Variants in NVL observed in about 807,000 individuals in gnomAD.
The protein encoded by NVL is nuclear valosin-containing protein-like.
A neutral mutation model predicts 110.2 loss-of-function variants in NVL; 84 were observed. That is an observed-to-expected ratio of 0.76 (90% CI 0.64 to 0.91). NVL has a LOEUF of 0.91. Among genes scored for constraint, NVL ranks in the 40% least tolerant of loss-of-function variants. The probability of loss-of-function intolerance (pLI) is 0.00; values close to 1 mark genes in which losing one functional copy is unlikely to be tolerated. For missense variants in NVL, 882 were observed against 1,035.9 expected, an observed-to-expected ratio of 0.85 and a Z score of 2.04; for synonymous variants, 354 against 361.1, an observed-to-expected ratio of 0.98 and a Z score of 0.22.
Position 224,285,211 on chromosome 1 carries a change from C to CG in NVL, c.1899+814dup, listed in dbSNP as rs200337439. On this transcript the variant is annotated intron_variant, in intron 15 of 22. Coordinates refer to ENST00000281701, the MANE Select transcript of NVL (RefSeq NM_002533.4). ...CAGCACTTTGGGAGGCCGAGATGGGCGGATCATGAGGTCAGGAGTTCGAGA... is the reference window on the plus strand; with the variant it reads ...CAGCACTTTGGGAGGCCGAGATGGGCGGGATCATGAGGTCAGGAGTTCGAGA... Among the ~76,000 whole-genome samples, 1,315 of 152,074 alleles carry CG rather than the reference C, an allele frequency of 8.6e-3. 16 individuals carry two copies. Among genetic ancestry groups the CG allele is most frequent in the Middle Eastern group, 0.075 (22 of 294 alleles).
intron 22 of NVL, 62 bp downstream of exon 22, chr1:224,231,164 G>A (rs1659838093): frequency 9.0e-7 from 1 of 1,111,890 alleles, no homozygotes; most frequent in South Asian, 1.3e-5. Context: ...AATTCATGAG[G>A]TCATATCTAC....
At position 224,308,223 on chromosome 1, in the gene NVL, C is replaced by T. The variant is rs149707008; in HGVS notation, c.383G>A (p.Arg128Gln). ...TGAAACAGAATCAGGATTTCCTTTC[C>T]GATATAAAGACAGCAGGGAACTGTT... is the stretch of plus-strand genomic sequence containing the variant. ...HMNSSLLSLY[R>Q]KGNPDSVSNT... The change falls in exon 6 of 23, where the codon CGG becomes CAG. Residue 128 changes from arginine (R) to glutamine (Q), a missense_variant. Around this residue, in one of 4 missense-constraint regions of NVL, gnomAD observed 274 missense variants for 268.4 expected, o/e 1.02. Coordinates refer to ENST00000281701, the MANE Select transcript of NVL (RefSeq NM_002533.4). 68 of 1,612,088 alleles carry T rather than the reference C, an allele frequency of 4.2e-5. 1 individual carries two copies. The Admixed American group carries it at 4.9e-4, about 12-fold the overall frequency.
chr1:224,290,687 A>G (rs1667285291), intron 12 of NVL, among the ~76,000 whole-genome samples: 1 of 152,014 alleles, frequency 6.6e-6, no homozygotes, highest in Admixed American at 6.6e-5. Context: ...CTGTAGTCCC[A>G]GCTACTCGGG....
At chr1:224,311,363 AT>A (rs1183980223) in intron 5 of NVL, among the ~76,000 whole-genome samples, 22 of 138,156 alleles carry the variant, frequency 1.6e-4, no homozygotes, top group African/African-American at 1.3e-4. Context: ...AGCTAGCCTT[AT>A]TTTTTTTTTT....
intron 2 of NVL, among the ~76,000 whole-genome samples, chr1:224,321,900 T>C (rs1055501261): frequency 2.0e-5 from 3 of 152,204 alleles, no homozygotes; most frequent in South Asian, 2.1e-4. Context: ...TGGTGACTTA[T>C]TATAGACATG....
At chr1:224,272,546 C>T (rs1360495173) in intron 17 of NVL, among the ~76,000 whole-genome samples, 2 of 150,946 alleles carry the variant, frequency 1.3e-5, no homozygotes, top group South Asian at 2.1e-4. Context: ...GGTAAAACCC[C>T]GTCTCTACTA....
chr1:224,267,686 CAAAAAAAAAAAA>C (rs532968583), intron 18 of NVL, among the ~76,000 whole-genome samples: 1 of 51,536 alleles, frequency 1.9e-5, no homozygotes, highest in African/African-American at 7.3e-5. Context: ...GATTCTGTCT[CAAAAAAAAAAAA>C]AAAAAAAAGT....
At chr1:224,240,078 T>C (rs1661005239) in intron 19 of NVL, among the ~76,000 whole-genome samples, 1 of 145,266 alleles carries the variant, frequency 6.9e-6, no homozygotes, top group Non-Finnish European at 1.5e-5. Flanking sequence ...TTTTTTTTTT[T>C]TTTTTGAGAC....
At chr1:224,292,081 C>A (rs1667431630) in intron 12 of NVL, among the ~76,000 whole-genome samples, 1 of 152,140 alleles carries the variant, frequency 6.6e-6, no homozygotes, top group African/African-American at 2.4e-5. Context: ...GTCTGTTTTA[C>A]ACCAATAGAA....
intron 6 of NVL, among the ~76,000 whole-genome samples, chr1:224,307,235 C>T (rs1205010285): frequency 6.6e-6 from 1 of 152,046 alleles, no homozygotes; most frequent in African/African-American, 2.4e-5. Flanking sequence ...TGGGAAACAC[C>T]TGATTTGTAC....
chr1:224,315,323 G>T (rs994139546), intron 4 of NVL, among the ~76,000 whole-genome samples: 1 of 152,174 alleles, frequency 6.6e-6, no homozygotes, highest in African/African-American at 2.4e-5. Context: ...TTTATCCCCA[G>T]GAGGCAAGAT....
rs1282917405 is a variant in NVL, at chr1:224,303,840, G to A, written c.843C>T (p.Leu281=). Residue 281 remains leucine, a synonymous_variant, in exon 9 of 23, where the codon CTC becomes CTT. Coordinates refer to ENST00000281701, the MANE Select transcript of NVL (RefSeq NM_002533.4). Reference sequence around the variant, plus strand: ...ACACCTCCGGGTGACGCATGTGTATGAGCATCTTGCAGACCTCCTAGCAGA... The same window carrying A: ...ACACCTCCGGGTGACGCATGTGTATAAGCATCTTGCAGACCTCCTAGCAGA... ...DMTLKEVCKM[L]IHMRHPEVYH... The A allele has an allele frequency of 3.7e-6, 6 of 1,612,764 alleles. No individual in the cohort carries two copies. The highest frequency in any genetic ancestry group is 3.3e-5 in the Admixed American group (2 of 59,778).
intron 19 of NVL, among the ~76,000 whole-genome samples, chr1:224,240,271 G>T (rs1462059698): frequency 1.4e-4 from 22 of 152,118 alleles, no homozygotes; most frequent in Admixed American, 1.4e-3. Flanking sequence ...GTTTCACCAT[G>T]TTGTCCAGGC....
chr1:224,230,227 TAC>T (rs2102687048), intron 22 of NVL, among the ~76,000 whole-genome samples: 1 of 152,314 alleles, frequency 6.6e-6, no homozygotes, highest in East Asian at 1.9e-4. Context: ...TTAGTTTGGG[TAC>T]AGTCTAGCTC....
intron 6 of NVL, among the ~76,000 whole-genome samples, chr1:224,306,749 CT>C (rs1668962385): frequency 6.6e-6 from 1 of 152,062 alleles, no homozygotes; most frequent in South Asian, 2.1e-4. Flanking sequence ...GGGGGGATGG[CT>C]TATGCCCAGG....
Position 224,286,121 on chromosome 1 carries a change from G to T in NVL, c.1804C>A (p.Arg602Ser), listed in dbSNP as rs763414115. The T allele has an allele frequency of 6.2e-7, 1 of 1,612,988 alleles. No homozygotes were observed. Among genetic ancestry groups the T allele is most frequent in the Non-Finnish European group, 8.5e-7 (1 of 1,179,272 alleles). Residue 602 changes from arginine (R) to serine (S), a missense_variant, in exon 15 of 23, where the codon CGC becomes AGC. Coordinates refer to ENST00000281701, the MANE Select transcript of NVL (RefSeq NM_002533.4). ...ELTMAILAPVRNPDQFKALGL... is the reference protein window; with the variant it reads ...ELTMAILAPVSNPDQFKALGL... The stretch of plus-strand genomic sequence containing the variant: ...AGAGCTTTGAACTGGTCTGGGTTGC[G>T]TACTGGTGCCTGGAAATAATGATAC...
At chr1:224,310,054 G>T (rs1057210014) in intron 5 of NVL, among the ~76,000 whole-genome samples, 1 of 151,874 alleles carries the variant, frequency 6.6e-6, no homozygotes. Context: ...AGGAAGCTGA[G>T]GCAGGAGAAT....
At chr1:224,311,263 G>A (rs1464373107) in intron 5 of NVL, among the ~76,000 whole-genome samples, 2 of 151,832 alleles carry the variant, frequency 1.3e-5, no homozygotes, top group Non-Finnish European at 2.9e-5. Flanking sequence ...GTTGTGCCAT[G>A]TTGCACAGGC....
At chr1:224,254,470 G>C (rs10916577) in intron 18 of NVL, among the ~76,000 whole-genome samples, 1 of 146,346 alleles carries the variant, frequency 6.8e-6, no homozygotes. Context: ...TCAGCTCACC[G>C]CAACCTCTAC....
Sources: allele counts gnomAD v4.1 joint callset (sites outside exome capture counted in the v4.1 genomes callset), GRCh38; gene constraint gnomAD v4.1.1; regional missense constraint gnomAD v4.1.1; transcripts MANE v1.5; gene names NCBI Gene and HGNC (gene_info 2026-07-23, HGNC 2026-07-21).